The following BCR variants were observed in gnomAD, a reference collection of about 807,000 sequenced individuals.
BCR encodes the protein BCR activator of RhoGEF and GTPase.
Under a neutral mutation model 138.6 loss-of-function variants are expected in BCR, and 58 were observed. The ratio of observed to expected loss-of-function variants is 0.42; its 90% CI spans 0.34 to 0.52. BCR has a LOEUF of 0.52. Among genes scored for constraint, BCR ranks in the 20% least tolerant of loss-of-function variants. BCR has a pLI of 0.06. For synonymous variants in BCR, 786 were observed against 730.1 expected, an observed-to-expected ratio of 1.08 and a Z score of -1.23; for missense variants, 1,599 against 1,727.2, an observed-to-expected ratio of 0.93 and a Z score of 1.32.
In BCR at chr22:23,282,864, T is replaced by C. The variant is rs138933414; in HGVS notation, c.2116-1113T>C. On this transcript the variant is annotated intron_variant, in intron 8 of 22. Transcript: ENST00000305877. ...GGTGGGCTGGGTGCCCACTAAACACTTGGCCTCTCTGCCACGAGGTTGTGG... is the reference window on the plus strand; with the variant it reads ...GGTGGGCTGGGTGCCCACTAAACACCTGGCCTCTCTGCCACGAGGTTGTGG... 3.5e-3 allele frequency among the ~76,000 whole-genome samples: 527 copies of C among 152,314 alleles called. 2 individuals carry two copies. Among genetic ancestry groups the C allele is most frequent in the African/African-American group, 0.011 (459 of 41,568 alleles).
intron 9 of BCR, among the ~76,000 whole-genome samples, chr22:23,284,307 G>A (rs1011860125): frequency 2.0e-5 from 3 of 152,196 alleles, no homozygotes; most frequent in East Asian, 3.9e-4. Context: ...GACTCCTGTA[G>A]TGAGGGGTAA....
In BCR at chr22:23,315,846, A is replaced by G. The variant is rs911379355; in HGVS notation, c.*324A>G. The stretch of plus-strand genomic sequence containing the variant: ...TTTTTATGAACTTAACTTAGAGTCT[A>G]AAAGATTTCTACTGGATCACTTGTC... On this transcript the variant is annotated 3_prime_UTR_variant, in exon 23 of 23. Coordinates refer to ENST00000305877, the MANE Select transcript of BCR (RefSeq NM_004327.4). 13 of 448,074 alleles carry G rather than the reference A, an allele frequency of 2.9e-5. 1 individual carries two copies. The highest frequency in any genetic ancestry group is 8.2e-5 in the South Asian group (4 of 48,962). The allele number at this position is 448,074 out of a possible 1,614,324, so 27.8% of individuals were successfully genotyped here.
intron 16 of BCR, 143 bp from the exon 17 acceptor site, chr22:23,309,281 G>C (rs1175817349): frequency 1.3e-5 from 10 of 784,134 alleles, no homozygotes; most frequent in South Asian, 4.9e-5. Context: ...CTCTACCTCT[G>C]TTGGCCTCTG....
At chr22:23,204,870 G>A (rs546504331) in intron 1 of BCR, among the ~76,000 whole-genome samples, 1 of 152,314 alleles carries the variant, frequency 6.6e-6, no homozygotes, top group African/African-American at 2.4e-5. Flanking sequence ...CAGGTGGTTG[G>A]CAGCAGGAGG....
intron 1 of BCR, among the ~76,000 whole-genome samples, chr22:23,194,535 C>T (rs1054794517): frequency 3.9e-5 from 6 of 152,006 alleles, no homozygotes; most frequent in Non-Finnish European, 7.4e-5. Flanking sequence ...CTCAGCCTCC[C>T]GAGTAGCTGG....
At chr22:23,305,878 C>T (rs1166492416) in intron 16 of BCR, among the ~76,000 whole-genome samples, 2 of 152,134 alleles carry the variant, frequency 1.3e-5, no homozygotes, top group African/African-American at 2.4e-5. Flanking sequence ...CGGAGTGCCT[C>T]GGTTTTTCCC....
At chr22:23,233,099 T>TC (rs769440843) in intron 1 of BCR, among the ~76,000 whole-genome samples, 72 of 152,212 alleles carry the variant, frequency 4.7e-4, no homozygotes, top group Non-Finnish European at 7.3e-4. Flanking sequence ...CTGAGGCTCT[T>TC]CTATGCCTTC....
chr22:23,227,707 T>C (rs1301016925), intron 1 of BCR, among the ~76,000 whole-genome samples: 1 of 152,242 alleles, frequency 6.6e-6, no homozygotes, highest in Non-Finnish European at 1.5e-5. Flanking sequence ...TAGATCACAA[T>C]AGTACTGCCA....
intron 1 of BCR, among the ~76,000 whole-genome samples, chr22:23,196,953 C>T (rs1371905471): frequency 6.6e-6 from 1 of 152,134 alleles, no homozygotes; most frequent in Non-Finnish European, 1.5e-5. Flanking sequence ...CTTGGGGATC[C>T]CAGAATCCTT....
intron 11 of BCR, 143 bp downstream of exon 11, chr22:23,287,421 C>G: frequency 1.5e-6 from 2 of 1,333,686 alleles, no homozygotes; most frequent in Non-Finnish European, 2.0e-6. Context: ...ACGCACATTC[C>G]TTTGTCTGGG....
At chr22:23,290,571 G>A (rs960357436) in intron 14 of BCR, 158 bp downstream of exon 14, 16 of 743,812 alleles carry the variant, frequency 2.2e-5, no homozygotes, top group African/African-American at 2.1e-4. Flanking sequence ...GCTGGTTGAT[G>A]CCTTCTGGGT....
At chr22:23,215,261 C>G (rs965294224) in intron 1 of BCR, among the ~76,000 whole-genome samples, 12 of 152,204 alleles carry the variant, frequency 7.9e-5, no homozygotes, top group African/African-American at 2.9e-4. Context: ...TTGTTTCTGC[C>G]TTTTGTAAAG....
At chr22:23,220,966 G>A (rs2072817960) in intron 1 of BCR, among the ~76,000 whole-genome samples, 1 of 152,180 alleles carries the variant, frequency 6.6e-6, no homozygotes, top group Non-Finnish European at 1.5e-5. Context: ...TATCTTTGAA[G>A]CCTGTCTGTT....
At chr22:23,243,356 C>G (rs1368054786) in intron 1 of BCR, among the ~76,000 whole-genome samples, 3 of 152,128 alleles carry the variant, frequency 2.0e-5, no homozygotes, top group Non-Finnish European at 4.4e-5. Flanking sequence ...GTGTCTACAG[C>G]CATGCCAGCC....
Position 23,181,032 on chromosome 22 carries a change from G to C in BCR, c.72G>C (p.Glu24Asp). Residue 24 changes from glutamate (E) to aspartate (D), a missense_variant, in exon 1 of 23, where the codon GAG becomes GAC. Physicochemically the swap from Glu to Asp is conservative, Grantham distance 45. Transcript: ENST00000305877. ...CGGACTCAGAGCCCCCGCGCATGGAGCTGCGCTCAGTGGGCGACATCGAGC... is the reference window on the plus strand; with the variant it reads ...CGGACTCAGAGCCCCCGCGCATGGACCTGCGCTCAGTGGGCGACATCGAGC... Reference protein sequence around the residue: ...QFPDSEPPRMELRSVGDIEQE... With the variant: ...QFPDSEPPRMDLRSVGDIEQE... 6.6e-7 allele frequency: 1 copy of C among 1,519,188 alleles called. No individual in the cohort carries two copies. The highest frequency in any genetic ancestry group is 8.9e-7 in the Non-Finnish European group (1 of 1,127,958). The allele number at this position is 1,519,188 out of a possible 1,614,324, so 94.1% of individuals were successfully genotyped here.
rs7364172 is a variant in BCR at position 23,231,545 on chromosome 22, A to G, written c.1280-22254A>G. On this transcript the variant is annotated intron_variant, in intron 1 of 22. Coordinates refer to ENST00000305877, the MANE Select transcript of BCR (RefSeq NM_004327.4). ...AAATAAAATAAAATAAAATAAAATA[A>G]AATAAATAAAATACCAACAGCCTGT... Among the ~76,000 whole-genome samples the G allele has an allele frequency of 1.7e-3, 258 of 151,856 alleles. 1 individual carries two copies. The highest frequency in any genetic ancestry group is 5.9e-3 in the African/African-American group (246 of 41,406).
chr22:23,274,045 C>G (rs2073541997), intron 8 of BCR, among the ~76,000 whole-genome samples: 1 of 152,036 alleles, frequency 6.6e-6, no homozygotes, highest in African/African-American at 2.4e-5. Flanking sequence ...GGGTTGTGTC[C>G]AGGGACCCCT....
chr22:23,229,850 C>G (rs1602040353), intron 1 of BCR, among the ~76,000 whole-genome samples: 1 of 152,136 alleles, frequency 6.6e-6, no homozygotes, highest in Non-Finnish European at 1.5e-5. Context: ...GGGGCTTCAC[C>G]TATTTGGTGG....
chr22:23,210,925 G>T (rs1480986439), intron 1 of BCR, among the ~76,000 whole-genome samples: 2 of 152,116 alleles, frequency 1.3e-5, no homozygotes, highest in Non-Finnish European at 2.9e-5. Context: ...ACATACCATA[G>T]AGTTCACCCG....
Sources: gnomAD v4.1 joint callset for allele counts (sites outside exome capture counted in the v4.1 genomes callset) on GRCh38, gnomAD v4.1.1 for gene constraint, MANE v1.5 for transcripts, NCBI Gene and HGNC (gene_info 2026-07-23, HGNC 2026-07-21) for gene names.